The following DNAJC5B variants were observed in gnomAD, a reference collection of about 807,000 sequenced individuals.
DNAJC5B encodes the protein dnaJ homolog subfamily C member 5B.
Under a neutral mutation model 24.7 loss-of-function variants are expected in DNAJC5B, and 23 were observed. The observed-to-expected ratio is 0.93, with a 90% confidence interval of 0.67 to 1.32. The LOEUF (loss-of-function observed/expected upper bound fraction) is 1.32. DNAJC5B is among the 40% of genes most tolerant of loss of function. The probability of loss-of-function intolerance (pLI) is 0.00; values close to 1 mark genes in which losing one functional copy is unlikely to be tolerated. For missense variants in DNAJC5B, 238 were observed against 240.8 expected, an observed-to-expected ratio of 0.99 and a Z score of 0.08; for synonymous variants, 101 against 90.1, an observed-to-expected ratio of 1.12 and a Z score of -0.68.
chr8:66,016,205 G>A, the DNAJC5B span, among the ~76,000 whole-genome samples: 1 of 152,162 alleles, frequency 6.6e-6, no homozygotes, highest in African/African-American at 2.4e-5. Flanking sequence ...CCTTTTATAA[G>A]GCACTAATCC....
intron 5 of DNAJC5B, among the ~76,000 whole-genome samples, chr8:66,089,382 C>A (rs1807797316): frequency 6.6e-6 from 1 of 152,166 alleles, no homozygotes; most frequent in Non-Finnish European, 1.5e-5. Flanking sequence ...TGACCAAACA[C>A]CACAAATTTC....
chr8:66,061,172 T>C (rs1281117079), intron 3 of DNAJC5B, among the ~76,000 whole-genome samples: 1 of 152,156 alleles, frequency 6.6e-6, no homozygotes, highest in East Asian at 1.9e-4. Context: ...TCCTAGCTAC[T>C]CAGGAGGCTA....
In DNAJC5B at chr8:66,028,271, A is replaced by T. The variant is rs545895351; in HGVS notation, c.-142+6566A>T. On this transcript the variant is annotated intron_variant, in intron 1 of 5. Transcript: ENST00000276570. ...GCTCTTCTCTTACTCACCGGCGCTCATGTCCACTCTACCTGCGCTTTGACA... is the reference window on the plus strand; with the variant it reads ...GCTCTTCTCTTACTCACCGGCGCTCTTGTCCACTCTACCTGCGCTTTGACA... Among the ~76,000 whole-genome samples the T allele has an allele frequency of 3.9e-5, 6 of 152,314 alleles. No individual in the cohort carries two copies. The South Asian group carries it at 1.2e-3, about 32-fold the overall frequency.
intron 3 of DNAJC5B, among the ~76,000 whole-genome samples, chr8:66,064,158 A>G (rs1336682957): frequency 2.6e-5 from 4 of 152,220 alleles, no homozygotes; most frequent in African/African-American, 9.6e-5. Context: ...AATAGGTCCT[A>G]TTAGGTTTAA....
At chr8:66,090,218 A>G (rs1156652630) in intron 5 of DNAJC5B, among the ~76,000 whole-genome samples, 1 of 150,772 alleles carries the variant, frequency 6.6e-6, no homozygotes, top group Admixed American at 6.6e-5. Flanking sequence ...TCATGGGACA[A>G]TGTATGTGTA....
chr8:66,097,901 G>A (rs1262080666), intron 5 of DNAJC5B, among the ~76,000 whole-genome samples: 2 of 152,068 alleles, frequency 1.3e-5, no homozygotes, highest in African/African-American at 4.8e-5. Context: ...CCAGGCTGGA[G>A]TGCAGTGGCA....
intron 5 of DNAJC5B, among the ~76,000 whole-genome samples, chr8:66,084,309 C>G (rs969353138): frequency 2.0e-5 from 3 of 152,082 alleles, no homozygotes. Context: ...ACTTAAAAAT[C>G]AAGTGACTCA....
Position 66,049,047 on chromosome 8 carries a change from T to C in DNAJC5B, c.-17-2484T>C, listed in dbSNP as rs16932449. Among the ~76,000 whole-genome samples, 1,322 of 152,314 alleles carry C rather than the reference T, an allele frequency of 8.7e-3. 21 individuals carry two copies. Among genetic ancestry groups the C allele is most frequent in the African/African-American group, 0.03 (1,251 of 41,562 alleles). On this transcript the variant is annotated intron_variant, in intron 2 of 5. Transcript: ENST00000276570. ...TTTCATTTTGGCTTATACATTTGGA[T>C]CCCATATTAGTCTGCAACCTCTCTG...
At chr8:66,082,269 C>A (rs774033056) in intron 5 of DNAJC5B, among the ~76,000 whole-genome samples, 1 of 151,872 alleles carries the variant, frequency 6.6e-6, no homozygotes, top group Non-Finnish European at 1.5e-5. Flanking sequence ...TGAACTTTTC[C>A]TTTACAGTGG....
chr8:66,094,568 A>AT, intron 5 of DNAJC5B, among the ~76,000 whole-genome samples: 1 of 152,134 alleles, frequency 6.6e-6, no homozygotes, highest in South Asian at 2.1e-4. Flanking sequence ...TGTTTGTCTC[A>AT]TCTGTGAGTA....
At chr8:66,090,175 G>A (rs907703838) in intron 5 of DNAJC5B, among the ~76,000 whole-genome samples, 2 of 151,900 alleles carry the variant, frequency 1.3e-5, no homozygotes, top group Non-Finnish European at 2.9e-5. Context: ...CACTATGAGG[G>A]CTTTACAGAC....
At position 66,099,997 on chromosome 8, in the gene DNAJC5B, A is replaced by G; in HGVS notation, c.566A>G (p.Lys189Arg). Reference sequence around the variant, plus strand: ...GCAAATGAGAAAACACAGCTAATCAAAGAAGGATCTCGAAGTTATTGCACA... The same window carrying G: ...GCAAATGAGAAAACACAGCTAATCAGAGAAGGATCTCGAAGTTATTGCACA... ...TNANEKTQLI[K>R]EGSRSYCTDS The change falls in exon 6 of 6, where the codon AAA becomes AGA. Residue 189 changes from lysine (K) to arginine (R), a missense_variant. Physicochemically the swap from Lys to Arg is conservative, Grantham distance 26. Coordinates refer to ENST00000276570, the MANE Select transcript of DNAJC5B (RefSeq NM_033105.6). 1 of 1,614,072 alleles carries G rather than the reference A, an allele frequency of 6.2e-7. No homozygotes were observed. The highest frequency in any genetic ancestry group is 8.5e-7 in the Non-Finnish European group (1 of 1,179,946).
chr8:66,096,889 A>G (rs1202959933), intron 5 of DNAJC5B, among the ~76,000 whole-genome samples: 1 of 152,122 alleles, frequency 6.6e-6, no homozygotes, highest in Non-Finnish European at 1.5e-5. Context: ...ACTTTTCGTG[A>G]GAGGCAATAG....
chr8:66,061,604 AGAGAGAGT>A (rs1474545775), intron 3 of DNAJC5B, among the ~76,000 whole-genome samples: 2 of 150,254 alleles, frequency 1.3e-5, no homozygotes, highest in Admixed American at 6.6e-5. Flanking sequence ...AGAGAGAGAG[AGAGAGAGT>A]GTGTGTGTGT....
chr8:66,101,083 CTTG>C lies in DNAJC5B; in HGVS notation c.*1055_*1057del, dbSNP rs1461041689. ...TTATATAATATTGCATTTTCAAGAT[CTTG>C]TTATGTTTTTATATAATATTGTATA... On this transcript the variant is annotated 3_prime_UTR_variant, in exon 6 of 6. Transcript: ENST00000276570. Among the ~76,000 whole-genome samples, 15 of 152,166 alleles carry C rather than the reference CTTG, an allele frequency of 9.9e-5. No homozygotes were observed. Among genetic ancestry groups the C allele is most frequent in the Non-Finnish European group, 1.9e-4 (13 of 67,986 alleles).
At chr8:66,086,799 T>C (rs1807736426) in intron 5 of DNAJC5B, among the ~76,000 whole-genome samples, 1 of 152,184 alleles carries the variant, frequency 6.6e-6, no homozygotes. Flanking sequence ...TAATTTTTCA[T>C]ACATGAGCAC....
chr8:66,086,764 G>C (rs553910270), intron 5 of DNAJC5B, among the ~76,000 whole-genome samples: 55 of 152,204 alleles, frequency 3.6e-4, no homozygotes, highest in African/African-American at 1.3e-3. Context: ...GATTTGACCA[G>C]CATATGAAGA....
intron 3 of DNAJC5B, among the ~76,000 whole-genome samples, chr8:66,053,248 G>T (rs764902162): frequency 6.6e-6 from 1 of 152,178 alleles, no homozygotes; most frequent in Non-Finnish European, 1.5e-5. Context: ...AATTTGCTAA[G>T]ACTCAGGCTC....
upstream of DNAJC5B, among the ~76,000 whole-genome samples, chr8:66,016,581 C>T (rs1327074778): frequency 6.6e-6 from 1 of 152,146 alleles, no homozygotes; most frequent in African/African-American, 2.4e-5. Context: ...TTCATAGCAG[C>T]GTGAAGACAA....
Sources: gnomAD v4.1 joint callset for allele counts (sites outside exome capture counted in the v4.1 genomes callset) on GRCh38, gnomAD v4.1.1 for gene constraint, MANE v1.5 for transcripts, NCBI Gene and HGNC (gene_info 2026-07-23, HGNC 2026-07-21) for gene names.